The following ABCD3 variants were observed in gnomAD, a reference collection of about 807,000 sequenced individuals.
The protein encoded by ABCD3 is ATP-binding cassette sub-family D member 3.
A neutral mutation model predicts 105.5 loss-of-function variants in ABCD3; 41 were observed. The observed-to-expected ratio is 0.39, with a 90% CI of 0.30 to 0.50. The LOEUF is 0.50. Ranked by LOEUF, ABCD3 falls within the 20% of genes least tolerant of loss-of-function variation. ABCD3 has a pLI of 0.84. For synonymous variants in ABCD3, 258 were observed against 269.0 expected, an observed-to-expected ratio of 0.96 and a Z score of 0.40; for missense variants, 622 against 806.3, an observed-to-expected ratio of 0.77 and a Z score of 2.77.
intron 5 of ABCD3, among the ~76,000 whole-genome samples, chr1:94,474,733 T>G (rs1246313953): frequency 6.6e-6 from 1 of 151,780 alleles, no homozygotes; most frequent in East Asian, 1.9e-4. Context: ...TGTTTTTTTT[T>G]TTTAACAAAT....
At position 94,511,397 on chromosome 1, in the gene ABCD3, C is replaced by T. The variant is rs1414876905; in HGVS notation, c.1846-3749C>T. 2.6e-5 allele frequency among the ~76,000 whole-genome samples: 4 copies of T among 151,930 alleles called. No individual in the cohort carries two copies. In the South Asian group the frequency reaches 8.3e-4, roughly 32 times the overall value. Reference sequence around the variant, plus strand: ...AATCGGCTTCCCTTTGTGGGTAACCCGACCTTTCTCTCTGGCTGCCCTTAA... The same window carrying T: ...AATCGGCTTCCCTTTGTGGGTAACCTGACCTTTCTCTCTGGCTGCCCTTAA... On this transcript the variant is annotated intron_variant, in intron 21 of 22. Coordinates refer to ENST00000370214, the MANE Select transcript of ABCD3 (RefSeq NM_002858.4).
chr1:94,488,385 T>G lies in ABCD3; in HGVS notation c.1157+402T>G, dbSNP rs538375558. On this transcript the variant is annotated intron_variant, in intron 13 of 22. Coordinates refer to ENST00000370214, the MANE Select transcript of ABCD3 (RefSeq NM_002858.4). ...GCAAAACAGATGAATAGAAATGAAG[T>G]TGACTTTAATGGGAAAAAAAATGAG... Among the ~76,000 whole-genome samples the G allele has an allele frequency of 4.6e-5, 7 of 152,178 alleles. No homozygotes were observed. In the South Asian group the frequency reaches 1.2e-3, roughly 27 times the overall value.
At chr1:94,512,451 G>A in intron 21 of ABCD3, among the ~76,000 whole-genome samples, 1 of 151,686 alleles carries the variant, frequency 6.6e-6, no homozygotes, top group African/African-American at 2.4e-5. Flanking sequence ...AAAGATAAAA[G>A]ATATAAAAGA....
the ABCD3 span, among the ~76,000 whole-genome samples, chr1:94,385,491 C>G: frequency 6.6e-6 from 1 of 152,202 alleles, no homozygotes; most frequent in Admixed American, 6.5e-5. Context: ...TGTACCCATG[C>G]TGTTGCACAG....
chr1:94,455,553 G>A (rs1358534224), intron 1 of ABCD3, among the ~76,000 whole-genome samples: 1 of 152,092 alleles, frequency 6.6e-6, no homozygotes, highest in African/African-American at 2.4e-5. Context: ...TCAAACTCCC[G>A]ACTTCAGGTG....
chr1:94,469,491 G>GTT lies in ABCD3; in HGVS notation c.335+1501_335+1502dup, dbSNP rs3072753. ...AATTGGCAGTTATTTGTGCACATTA[G>GTT]TTTTTTTTTTTTTTTTTTAAACCTA... is the stretch of plus-strand genomic sequence containing the variant. On this transcript the variant is annotated intron_variant, in intron 4 of 22. Transcript: ENST00000370214. Among the ~76,000 whole-genome samples, 48 of 137,274 alleles carry GTT rather than the reference G, an allele frequency of 3.5e-4. No individual in the cohort carries two copies. The Middle Eastern group carries it at 0.011, about 32-fold the overall frequency. The allele number at this position is 137,274 out of a possible 152,430, so 90.1% of individuals were successfully genotyped here.
chr1:94,415,210 G>C (rs537214912), upstream of ABCD3, among the ~76,000 whole-genome samples: 6 of 152,304 alleles, frequency 3.9e-5, no homozygotes, highest in Admixed American at 2.0e-4. Context: ...ACAAAACTCA[G>C]CTCTGATGTG....
intron 20 of ABCD3, 58 bp downstream of exon 20, chr1:94,499,672 A>G: frequency 6.2e-7 from 1 of 1,600,404 alleles, no homozygotes; most frequent in South Asian, 1.1e-5. Context: ...ATTTTGATTA[A>G]TCAGGACACA....
At chr1:94,503,479 TC>T (rs1347154050) in intron 20 of ABCD3, among the ~76,000 whole-genome samples, 1 of 152,154 alleles carries the variant, frequency 6.6e-6, no homozygotes, top group African/African-American at 2.4e-5. Flanking sequence ...CTTTATCACA[TC>T]CTTTTCCTTC....
chr1:94,406,340 G>GTTTTTT, the ABCD3 span: 8 of 142,528 alleles, frequency 5.6e-5, no homozygotes, highest in South Asian at 1.7e-4. Flanking sequence ...ATTTTGTTTT[G>GTTTTTT]TTTTTTTTTT....
In ABCD3 at chr1:94,418,408, C is replaced by A; in HGVS notation, c.-71C>A. On this transcript the variant is annotated 5_prime_UTR_variant, in exon 1 of 23. Transcript: ENST00000370214. Reference sequence around the variant, plus strand: ...TCTCCTCCCAGTCTCCCCCGCGCTGCGTGCAGTAAGGTAGCCGCCGCCGCC... The same window carrying A: ...TCTCCTCCCAGTCTCCCCCGCGCTGAGTGCAGTAAGGTAGCCGCCGCCGCC... The A allele has an allele frequency of 1.5e-6, 2 of 1,310,880 alleles. No homozygotes were observed. Among genetic ancestry groups the A allele is most frequent in the Non-Finnish European group, 2.1e-6 (2 of 942,702 alleles). The allele number at this position is 1,310,880 out of a possible 1,614,324, so 81.2% of individuals were successfully genotyped here.
the ABCD3 span, among the ~76,000 whole-genome samples, chr1:94,389,192 TC>T: frequency 3.9e-5 from 6 of 152,218 alleles, no homozygotes; most frequent in Non-Finnish European, 2.9e-5. Context: ...TCAAAGCCTG[TC>T]CAAAACTGGT....
At position 94,517,238 on chromosome 1, in the gene ABCD3, AAC is replaced by A. The variant is rs1184822845; in HGVS notation, c.*111_*112del. 11 of 823,604 alleles carry A rather than the reference AAC, an allele frequency of 1.3e-5. No individual in the cohort carries two copies. Among genetic ancestry groups the A allele is most frequent in the Admixed American group, 2.1e-5 (1 of 48,514 alleles). The allele number at this position is 823,604 out of a possible 1,614,324, so 51.0% of individuals were successfully genotyped here. A position where few individuals can be genotyped will look rare whatever the true frequency, so the allele number is the denominator to read the frequency against. The stretch of plus-strand genomic sequence containing the variant: ...GAGCTTAGTTTTTTTTAAAAAAAAA[AAC>A]AAAGCAACAAATTAACTAGATACAG... On this transcript the variant is annotated 3_prime_UTR_variant, in exon 23 of 23. Coordinates refer to ENST00000370214, the MANE Select transcript of ABCD3 (RefSeq NM_002858.4).
chr1:94,405,857 A>T, the ABCD3 span, among the ~76,000 whole-genome samples: 1 of 152,042 alleles, frequency 6.6e-6, no homozygotes. Flanking sequence ...GTAGGCTGCA[A>T]ATGTTTTCTT....
intron 1 of ABCD3, among the ~76,000 whole-genome samples, chr1:94,435,189 C>T (rs2100899004): frequency 6.6e-6 from 1 of 152,090 alleles, no homozygotes; most frequent in Non-Finnish European, 1.5e-5. Flanking sequence ...TTAGGTTTTG[C>T]TTTGAGTTTT....
intron 1 of ABCD3, among the ~76,000 whole-genome samples, chr1:94,453,984 C>T: frequency 6.8e-6 from 1 of 146,952 alleles, no homozygotes; most frequent in African/African-American, 2.5e-5. Context: ...CTGAGCATTG[C>T]TTTAGGTGAA....
intron 1 of ABCD3, among the ~76,000 whole-genome samples, chr1:94,429,101 T>C (rs1253656799): frequency 6.6e-6 from 1 of 152,222 alleles, no homozygotes; most frequent in Admixed American, 6.5e-5. Flanking sequence ...ACTCTTGTTA[T>C]GTTTTAGCAA....
chr1:94,478,304 A>T lies in ABCD3; in HGVS notation c.673A>T (p.Ile225Phe). ...GTATATCTTTAAGTTAACGAGTGCA[A>T]TTGGAGCTCAGGTGAGTCTGCTTTT... ...VLYIFKLTSA[I>F]GAQGPASMMA... Residue 225 changes from isoleucine (I) to phenylalanine (F), a missense_variant, in exon 8 of 23, where the codon ATT (isoleucine) becomes TTT (phenylalanine). Physicochemically the swap from Ile to Phe is conservative, Grantham distance 21. Coordinates refer to ENST00000370214, the MANE Select transcript of ABCD3 (RefSeq NM_002858.4). 6.2e-7 allele frequency: 1 copy of T among 1,603,140 alleles called. No homozygotes were observed. Among genetic ancestry groups the T allele is most frequent in the Non-Finnish European group, 8.5e-7 (1 of 1,171,832 alleles).
At chr1:94,500,291 T>G (rs544430010) in intron 20 of ABCD3, among the ~76,000 whole-genome samples, 1 of 151,852 alleles carries the variant, frequency 6.6e-6, no homozygotes, top group Admixed American at 6.6e-5. Context: ...AAAAAAAATT[T>G]AAAAATTATC....
Sources: gnomAD v4.1 joint callset for allele counts (sites outside exome capture counted in the v4.1 genomes callset) on GRCh38, gnomAD v4.1.1 for gene constraint, MANE v1.5 for transcripts, NCBI Gene and HGNC (gene_info 2026-07-23, HGNC 2026-07-21) for gene names.